STK26: variants seen among roughly 807,000 people sequenced by gnomAD.
The protein encoded by STK26 is serine/threonine kinase 26.
Under a neutral mutation model 34.7 loss-of-function variants are expected in STK26, and 14 were observed. The ratio of observed to expected loss-of-function variants is 0.40; its 90% CI spans 0.27 to 0.63. STK26 has a LOEUF of 0.63. Among genes scored for constraint, STK26 ranks in the 30% least tolerant of loss-of-function variants. The pLI is 0.38. For missense variants in STK26, 226 were observed against 309.1 expected (o/e 0.73, Z 2.02); for synonymous variants, 100 against 109.8 (o/e 0.91, Z 0.56).
chrX:132,044,794 TATAG>T (rs1420411527), intron 2 of STK26, among the ~76,000 whole-genome samples: 3 of 37,139 alleles, frequency 8.1e-5, no homozygotes, highest in African/African-American at 4.1e-4. Flanking sequence ...TATTTATATA[TATAG>T]AGAGAGATCT....
intron 2 of STK26, among the ~76,000 whole-genome samples, chrX:132,044,802 GAGATCTATATATATATTTATATATAT>G (rs1926432517): frequency 3.5e-5 from 2 of 56,782 alleles, no homozygotes; most frequent in African/African-American, 8.1e-5. Context: ...TATATAGAGA[GAGATCTATATATATATTTATATATAT>G]AGAGAGAGAT....
chrX:132,031,115 T>C (rs1014472384), intron 2 of STK26, among the ~76,000 whole-genome samples: 1 of 110,877 alleles, frequency 9.0e-6, no homozygotes, highest in Non-Finnish European at 1.9e-5. Flanking sequence ...TTTTGTATTT[T>C]TTTGTAAATT....
Position 132,073,109 on chromosome X carries a change from C to A in STK26, c.1226+16C>A. ...AATTTCAAAAGTAAGTTGGAAATGT[C>A]ATTTTAAAAATTATTTTGCATTTTC... On this transcript the variant is annotated intron_variant, in intron 11 of 11. Coordinates refer to ENST00000394334, the MANE Select transcript of STK26 (RefSeq NM_016542.4). 8.5e-7 allele frequency: 1 copy of A among 1,171,614 alleles called. No homozygotes were observed. Among genetic ancestry groups the A allele is most frequent in the South Asian group, 1.9e-5 (1 of 52,394 alleles).
intron 3 of STK26, among the ~76,000 whole-genome samples, chrX:132,056,088 G>T (rs963612153): frequency 9.0e-6 from 1 of 111,386 alleles, no homozygotes; most frequent in Non-Finnish European, 1.9e-5. Flanking sequence ...GTATTTTCTC[G>T]AAGTTTGCTG....
At chrX:132,053,255 A>G (rs1378994181) in intron 2 of STK26, among the ~76,000 whole-genome samples, 1 of 111,867 alleles carries the variant, frequency 8.9e-6, no homozygotes, top group Non-Finnish European at 1.9e-5. Flanking sequence ...CTATATGGAA[A>G]GCACAACTTT....
intron 2 of STK26, among the ~76,000 whole-genome samples, chrX:132,049,916 G>C (rs1926627119): frequency 9.0e-6 from 1 of 111,654 alleles, no homozygotes; most frequent in East Asian, 2.8e-4. Flanking sequence ...AGTTCTGGAA[G>C]ATTCTTTTAG....
At chrX:132,034,127 T>TATATAA (rs1556010794) in intron 2 of STK26, among the ~76,000 whole-genome samples, 13 of 100,807 alleles carry the variant, frequency 1.3e-4, no homozygotes, top group South Asian at 4.5e-4. Context: ...TATATATATA[T>TATATAA]AAAATAAAAA....
chrX:132,047,627 TCCAG>T (rs1602756780), intron 2 of STK26, among the ~76,000 whole-genome samples: 1 of 111,071 alleles, frequency 9.0e-6, no homozygotes, highest in Non-Finnish European at 1.9e-5. Flanking sequence ...GCTAGCCCAT[TCCAG>T]CCTAGTTATT....
intron 2 of STK26, among the ~76,000 whole-genome samples, chrX:132,043,343 C>G: frequency 8.9e-6 from 1 of 111,825 alleles, no homozygotes. Context: ...AAATGAGGCT[C>G]TCAGCATCTG....
chrX:132,032,331 A>C (rs1925871807), intron 2 of STK26, among the ~76,000 whole-genome samples: 1 of 112,255 alleles, frequency 8.9e-6, no homozygotes, highest in African/African-American at 3.2e-5. Flanking sequence ...AAAATTGTAG[A>C]TTGCTTAGAT....
chrX:132,031,022 A>G (rs1339722654), intron 2 of STK26, among the ~76,000 whole-genome samples: 1 of 110,835 alleles, frequency 9.0e-6, no homozygotes. Context: ...CTGCAGCCTC[A>G]ACCTCCCAGG....
At chrX:132,027,975 C>T (rs776646580) in intron 2 of STK26, among the ~76,000 whole-genome samples, 62 of 108,571 alleles carry the variant, frequency 5.7e-4, no homozygotes, top group Non-Finnish European at 1.1e-3. Context: ...CCCATCTCAG[C>T]CTCCAGAGCA....
intron 3 of STK26, among the ~76,000 whole-genome samples, chrX:132,057,671 A>G (rs1172221569): frequency 8.9e-6 from 1 of 111,919 alleles, no homozygotes; most frequent in Non-Finnish European, 1.9e-5. Context: ...TAATACTGAT[A>G]TAGAAATTTA....
Position 132,036,580 on chromosome X carries a change from G to A in STK26, c.42+12921G>A, listed in dbSNP as rs1026521404. On this transcript the variant is annotated intron_variant, in intron 2 of 11. Transcript: ENST00000394334. The stretch of plus-strand genomic sequence containing the variant: ...ATTGCACTCCAGTCTGGGCGACAGG[G>A]TGAGATGCTATCTCAAAATAATAAT... Among the ~76,000 whole-genome samples, 8 of 111,914 alleles carry A rather than the reference G, an allele frequency of 7.1e-5. No individual in the cohort carries two copies. The South Asian group carries it at 3.0e-3, about 42-fold the overall frequency.
At chrX:132,063,405 A>G in intron 3 of STK26, 28 bp from the exon 4 acceptor site, 6 of 1,184,211 alleles carry the variant, frequency 5.1e-6, no homozygotes, top group Non-Finnish European at 6.9e-6. Context: ...CAGGTTTGTA[A>G]TTATTAAATT....
intron 7 of STK26, among the ~76,000 whole-genome samples, chrX:132,070,413 T>G (rs1193086439): frequency 8.9e-6 from 1 of 112,298 alleles, no homozygotes; most frequent in African/African-American, 3.2e-5. Flanking sequence ...CTCCATTCAT[T>G]TACTTGGTGG....
intron 11 of STK26, among the ~76,000 whole-genome samples, chrX:132,073,882 C>G (rs1927507132): frequency 9.0e-6 from 1 of 111,493 alleles, no homozygotes; most frequent in Admixed American, 9.6e-5. Context: ...TACTCGCAAA[C>G]CTAACCCCCT....
intron 3 of STK26, 72 bp from the exon 4 acceptor site, chrX:132,063,361 G>A: frequency 1.1e-6 from 1 of 935,689 alleles, no homozygotes; most frequent in East Asian, 3.1e-5. Context: ...TAGTATGTGA[G>A]ATTTAACATT....
At chrX:132,051,881 T>G (rs1368048779) in intron 2 of STK26, among the ~76,000 whole-genome samples, 1 of 110,766 alleles carries the variant, frequency 9.0e-6, no homozygotes, top group African/African-American at 3.3e-5. Flanking sequence ...TTGCTGAGAA[T>G]GATGGTTTCC....
Sources: gnomAD v4.1 joint callset for allele counts (sites outside exome capture counted in the v4.1 genomes callset) on GRCh38, gnomAD v4.1.1 for gene constraint, MANE v1.5 for transcripts, NCBI Gene and HGNC (gene_info 2026-07-23, HGNC 2026-07-21) for gene names.